The following ADAM12 variants were observed in gnomAD, a reference collection of about 807,000 sequenced individuals.
ADAM12 encodes ADAM metallopeptidase domain 12.
ADAM12 carries 70 observed loss-of-function variants against 106.4 expected under a neutral mutation model. The observed-to-expected ratio is 0.66, with a 90% CI of 0.54 to 0.80. ADAM12 has a LOEUF of 0.80. Among genes scored for constraint, ADAM12 ranks in the 30% least tolerant of loss-of-function variants. ADAM12 has a pLI of 0.00. For synonymous variants in ADAM12, 420 were observed against 433.5 expected (o/e 0.97, Z 0.39); for missense variants, 1,010 against 1,171.9 (o/e 0.86, Z 2.02).
At chr10:126,281,817 C>A (rs7901456) in intron 2 of ADAM12, among the ~76,000 whole-genome samples, 129,159 of 152,184 alleles carry the variant, frequency 0.85, 55,890 homozygotes, top group East Asian at 0.99. Flanking sequence ...AATCAATTAA[C>A]TGCTAATCAA....
chr10:126,171,961 C>T (rs1301451907), intron 3 of ADAM12, among the ~76,000 whole-genome samples: 1 of 152,172 alleles, frequency 6.6e-6, no homozygotes. Context: ...AAGCTGAAAG[C>T]TTTCCATGTG....
chr10:126,271,088 A>G (rs1056709956), intron 3 of ADAM12, among the ~76,000 whole-genome samples: 10 of 152,184 alleles, frequency 6.6e-5, no homozygotes, highest in African/African-American at 2.4e-4. Context: ...GGTCACCTCC[A>G]GAGTGAATTC....
intron 2 of ADAM12, among the ~76,000 whole-genome samples, chr10:126,281,152 A>T (rs945065930): frequency 6.6e-6 from 1 of 152,220 alleles, no homozygotes; most frequent in African/African-American, 2.4e-5. Flanking sequence ...ATGTGTGAAG[A>T]ACAAGATTAT....
In ADAM12 at chr10:126,125,538, C is replaced by T. The variant is rs550080766; in HGVS notation, c.417-7314G>A. Reference sequence around the variant, plus strand: ...AATTACAGGCATGAGCCACTGTGCTCAGCCAGGAATATATTATTTTCTTTA... The same window carrying T: ...AATTACAGGCATGAGCCACTGTGCTTAGCCAGGAATATATTATTTTCTTTA... On this transcript the variant is annotated intron_variant, in intron 5 of 22. Transcript: ENST00000448723. Among the ~76,000 whole-genome samples the T allele has an allele frequency of 7.2e-5, 11 of 152,136 alleles. No individual in the cohort carries two copies. In the East Asian group the frequency reaches 1.9e-3, roughly 27 times the overall value.
At chr10:126,287,152 A>G (rs1466219213) in intron 2 of ADAM12, among the ~76,000 whole-genome samples, 9 of 152,206 alleles carry the variant, frequency 5.9e-5, no homozygotes, top group African/African-American at 2.2e-4. Context: ...AGCTATAGCC[A>G]GAGCATCTTA....
At chr10:126,143,216 G>A (rs527668168) in intron 4 of ADAM12, among the ~76,000 whole-genome samples, 28 of 151,368 alleles carry the variant, frequency 1.8e-4, no homozygotes, top group African/African-American at 6.3e-4. Flanking sequence ...TGTATATGGT[G>A]TGCATGTGTG....
chr10:126,089,717 C>G (rs1955426544), intron 11 of ADAM12, among the ~76,000 whole-genome samples: 1 of 152,052 alleles, frequency 6.6e-6, no homozygotes, highest in African/African-American at 2.4e-5. Context: ...TCCCTCCAGC[C>G]CCCCACAGCC....
chr10:126,385,861 G>A (rs1218984164), intron 1 of ADAM12, among the ~76,000 whole-genome samples: 1 of 152,138 alleles, frequency 6.6e-6, no homozygotes, highest in Non-Finnish European at 1.5e-5. Flanking sequence ...AAACTTGAAT[G>A]CTCTAACTCA....
rs1045856300 is a variant in ADAM12 at position 126,053,799 on chromosome 10, G to A, written c.1610-4130C>T. Among the ~76,000 whole-genome samples, 4 of 151,424 alleles carry A rather than the reference G, an allele frequency of 2.6e-5. No individual in the cohort carries two copies. Among genetic ancestry groups the A allele is most frequent in the Non-Finnish European group, 2.9e-5 (2 of 67,806 alleles). On this transcript the variant is annotated intron_variant, in intron 14 of 22. Transcript: ENST00000448723. This position sits in a 1 kb window ranked among gnomAD's most constrained non-coding sequence, Gnocchi z 4.6. ...CGGCTCACTGCAACCTCTGCCTCCC[G>A]GGTTCAAGCTATTCTCCTGCCTCAG...
intron 3 of ADAM12, among the ~76,000 whole-genome samples, chr10:126,165,702 G>A (rs947162641): frequency 2.6e-5 from 4 of 152,254 alleles, no homozygotes; most frequent in Non-Finnish European, 4.4e-5. Context: ...TGGTTCTGAC[G>A]GTCTGAAAAA....
intron 2 of ADAM12, among the ~76,000 whole-genome samples, chr10:126,323,220 T>C (rs1180555101): frequency 1.3e-5 from 2 of 152,204 alleles, no homozygotes; most frequent in Admixed American, 6.5e-5. Flanking sequence ...AGGCTAACTA[T>C]TGAGCCTGTT....
intron 14 of ADAM12, among the ~76,000 whole-genome samples, chr10:126,058,948 C>T (rs1176614781): frequency 6.6e-6 from 1 of 152,192 alleles, no homozygotes; most frequent in South Asian, 2.1e-4. Context: ...TTTCTTATCA[C>T]TACCATATTA....
intron 3 of ADAM12, among the ~76,000 whole-genome samples, chr10:126,186,776 C>T (rs1280358906): frequency 5.3e-5 from 8 of 152,192 alleles, no homozygotes; most frequent in African/African-American, 9.7e-5. Context: ...AAGCAGAATG[C>T]ATCGCGGATG....
At chr10:126,274,314 CAGA>C (rs1959199968) in intron 3 of ADAM12, among the ~76,000 whole-genome samples, 1 of 152,120 alleles carries the variant, frequency 6.6e-6, no homozygotes, top group South Asian at 2.1e-4. Flanking sequence ...CCCTGTGTAG[CAGA>C]AGAATGACCT....
chr10:126,374,236 C>A (rs982524995), intron 1 of ADAM12, among the ~76,000 whole-genome samples: 2 of 152,276 alleles, frequency 1.3e-5, no homozygotes, highest in Admixed American at 6.5e-5. Flanking sequence ...ACAGACTCTG[C>A]TCCACAGGAA....
At chr10:126,305,351 G>A (rs759184696) in intron 2 of ADAM12, among the ~76,000 whole-genome samples, 22 of 152,050 alleles carry the variant, frequency 1.4e-4, no homozygotes, top group South Asian at 1.2e-3. Context: ...TAATCAAAAG[G>A]AGCCAGACAC....
intron 3 of ADAM12, among the ~76,000 whole-genome samples, chr10:126,269,799 T>C (rs1959167083): frequency 6.6e-6 from 1 of 152,164 alleles, no homozygotes; most frequent in Non-Finnish European, 1.5e-5. Flanking sequence ...AAATGCCCTC[T>C]CTCATTCTTC....
chr10:126,093,622 AG>A (rs1955504584), intron 11 of ADAM12, among the ~76,000 whole-genome samples: 1 of 152,204 alleles, frequency 6.6e-6, no homozygotes, highest in Non-Finnish European at 1.5e-5. Context: ...TCCACTGCCC[AG>A]GCTTTCAGAT....
chr10:126,284,774 T>A (rs949745960), intron 2 of ADAM12, among the ~76,000 whole-genome samples: 1 of 152,214 alleles, frequency 6.6e-6, no homozygotes, highest in Non-Finnish European at 1.5e-5. Flanking sequence ...TTTTGTGATC[T>A]TTTTTCTTCC....
Sources: gnomAD v4.1 joint callset for allele counts (sites outside exome capture counted in the v4.1 genomes callset) on GRCh38, gnomAD v4.1.1 for gene constraint, Gnocchi (gnomAD v3.1) non-coding constraint, MANE v1.5 for transcripts, NCBI Gene and HGNC (gene_info 2026-07-23, HGNC 2026-07-21) for gene names.